ATP12A: variants seen among roughly 807,000 people sequenced by gnomAD.
ATP12A encodes the protein ATPase H+/K+ transporting non-gastric alpha2 subunit, also known as potassium-transporting ATPase alpha chain 2.
A neutral mutation model predicts 111.2 loss-of-function variants in ATP12A; 81 were observed. The ratio of observed to expected loss-of-function variants is 0.73; its 90% CI spans 0.61 to 0.88. The LOEUF (loss-of-function observed/expected upper bound fraction) is 0.88, where lower values mean the gene tolerates loss of function less well. ATP12A is among the 40% of genes least tolerant of loss of function. ATP12A has a pLI of 0.00. For synonymous variants in ATP12A, 498 were observed against 499.8 expected, an observed-to-expected ratio of 1.00 and a Z score of 0.05; for missense variants, 1,196 against 1,313.1, an observed-to-expected ratio of 0.91 and a Z score of 1.38.
intron 17 of ATP12A, 54 bp from the exon 18 acceptor site, chr13:24,709,306 TACTG>T: frequency 4.2e-6 from 1 of 236,028 alleles, no homozygotes; most frequent in Admixed American, 7.0e-5. Context: ...CCCCCTCCCC[TACTG>T]TGGGTAGAGC....
chr13:24,683,334 A>G (rs1156456481), intron 2 of ATP12A, among the ~76,000 whole-genome samples: 4 of 152,186 alleles, frequency 2.6e-5, no homozygotes, highest in African/African-American at 9.7e-5. Flanking sequence ...ACCGAAGGGG[A>G]AACTTCTACA....
Position 24,699,232 on chromosome 13 carries a change from G to A in ATP12A, c.1705+382G>A, listed in dbSNP as rs190470302. Among the ~76,000 whole-genome samples the A allele has an allele frequency of 3.2e-4, 49 of 152,252 alleles. 1 individual carries two copies. The East Asian group carries it at 8.9e-3, about 28-fold the overall frequency. On this transcript the variant is annotated intron_variant, in intron 12 of 22. Transcript: ENST00000381946. The stretch of plus-strand genomic sequence containing the variant: ...TGAGATGGCACTGTCACAGAAACAG[G>A]GTTCAAGGGCTGGACTGGAGGTCAT...
intron 13 of ATP12A, among the ~76,000 whole-genome samples, 199 bp from the exon 14 acceptor site, chr13:24,701,736 A>G (rs1438575914): frequency 6.6e-6 from 1 of 152,186 alleles, no homozygotes; most frequent in Non-Finnish European, 1.5e-5. Context: ...GAGGAAGCGT[A>G]TGAAGCTTAG....
At chr13:24,698,296 T>A (rs1875251834) in intron 11 of ATP12A, among the ~76,000 whole-genome samples, 1 of 152,114 alleles carries the variant, frequency 6.6e-6, no homozygotes, top group African/African-American at 2.4e-5. Flanking sequence ...GAAAGACGGC[T>A]GCTCCCCACA....
In ATP12A at chr13:24,700,912, C is replaced by T; in HGVS notation, c.1871C>T (p.Ala624Val). ...VPDAVTKCRSAGIKVIMVTGD... is the reference protein window; with the variant it reads ...VPDAVTKCRSVGIKVIMVTGD... ...GATGCAGTCACCAAATGCCGGAGTG[C>T]AGGGATCAAGGTGGGAGTTATTTTC... Residue 624 changes from alanine to valine, a missense_variant, in exon 13 of 23, where the codon GCA becomes GTA. By Grantham distance (64) the Ala-to-Val change is moderately conservative. Around this residue, in one of 3 missense-constraint regions of ATP12A, gnomAD observed 1,126 missense variants for 1,228.5 expected, o/e 0.92. Coordinates refer to ENST00000381946, the MANE Select transcript of ATP12A (RefSeq NM_001676.7). 1 of 1,614,012 alleles carries T rather than the reference C, an allele frequency of 6.2e-7. No individual in the cohort carries two copies. The highest frequency in any genetic ancestry group is 8.5e-7 in the Non-Finnish European group (1 of 1,179,944).
rs1363041277 is a variant in ATP12A, at chr13:24,681,627, G to T, written c.75G>T (p.Gly25=). ...GTKDIVKTDK[G]DGKEKYRGLK... ...AGGACATCGTGAAAACAGACAAGGGGGATGGCAAGGAGAAGTATAGGGGTC... is the reference window on the plus strand; with the variant it reads ...AGGACATCGTGAAAACAGACAAGGGTGATGGCAAGGAGAAGTATAGGGGTC... The change falls in exon 2 of 23, where the codon GGG becomes GGT. Residue 25 remains glycine (G), a synonymous_variant. Coordinates refer to ENST00000381946, the MANE Select transcript of ATP12A (RefSeq NM_001676.7). The T allele has an allele frequency of 6.2e-7, 1 of 1,614,208 alleles. No individual in the cohort carries two copies.
chr13:24,701,606 CATT>C (rs1463853334), intron 13 of ATP12A, among the ~76,000 whole-genome samples: 1 of 152,080 alleles, frequency 6.6e-6, no homozygotes, highest in African/African-American at 2.4e-5. Flanking sequence ...CCATGTTCAT[CATT>C]ACTAGGTTAA....
chr13:24,687,251 A>C (rs1263574023), intron 3 of ATP12A, among the ~76,000 whole-genome samples: 1 of 152,196 alleles, frequency 6.6e-6, no homozygotes, highest in Non-Finnish European at 1.5e-5. Flanking sequence ...ACTTGAGGTC[A>C]GGAGTTCGAA....
intron 4 of ATP12A, 33 bp from the exon 5 acceptor site, chr13:24,689,229 G>A (rs561695852): frequency 6.3e-7 from 1 of 1,592,674 alleles, no homozygotes; most frequent in South Asian, 1.1e-5. Context: ...CCCACTGCTG[G>A]TTTCTCTGAC....
intron 14 of ATP12A, among the ~76,000 whole-genome samples, chr13:24,705,277 A>T (rs910203794): frequency 6.6e-6 from 1 of 152,184 alleles, no homozygotes. Context: ...GGTACAGGGG[A>T]TGGAGGATGT....
chr13:24,685,885 G>A lies in ATP12A; in HGVS notation c.228+512G>A, dbSNP rs896500699. Among the ~76,000 whole-genome samples the A allele has an allele frequency of 6.6e-6, 1 of 152,186 alleles. No homozygotes were observed. Among genetic ancestry groups the A allele is most frequent in the Non-Finnish European group, 1.5e-5 (1 of 68,038 alleles). On this transcript the variant is annotated intron_variant, in intron 3 of 22. Transcript: ENST00000381946. The surrounding 1 kb of genome is among the most constrained non-coding windows in gnomAD (Gnocchi z 5.5). ...CTGGGCTTGCCGGAAGCTAGTATGT[G>A]TGGAGAGGGGACAGGTGCAGCAGGA...
At position 24,680,492 on chromosome 13, in the gene ATP12A, C is replaced by A; in HGVS notation, c.-252C>A. The A allele has an allele frequency of 2.2e-6, 1 of 456,994 alleles. No homozygotes were observed. Among genetic ancestry groups the A allele is most frequent in the South Asian group, 3.8e-5 (1 of 26,302 alleles). 28.3% of individuals were successfully genotyped at this position (456,994 alleles called of 1,614,324 possible). ...CGGGTTTCCTACCCTCCGAGGCGTCCGCTGGCCTGCGCCCTGGCGGGGACG... is the reference window on the plus strand; with the variant it reads ...CGGGTTTCCTACCCTCCGAGGCGTCAGCTGGCCTGCGCCCTGGCGGGGACG... On this transcript the variant is annotated 5_prime_UTR_variant, in exon 1 of 23. Transcript: ENST00000381946.
In ATP12A at chr13:24,701,784, A is replaced by C. The variant is rs1186293454; in HGVS notation, c.1882-151A>C. 4 of 1,012,098 alleles carry C rather than the reference A, an allele frequency of 4.0e-6. No individual in the cohort carries two copies. The East Asian group carries it at 9.6e-5, about 24-fold the overall frequency. 62.7% of individuals were successfully genotyped at this position (1,012,098 alleles called of 1,614,324 possible). ...ACCCAATGGGATTAGTGTTTCCTCCAAAGACAGTTGTCTCGTAGATCCAGA... is the reference window on the plus strand; with the variant it reads ...ACCCAATGGGATTAGTGTTTCCTCCCAAGACAGTTGTCTCGTAGATCCAGA... On this transcript the variant is annotated intron_variant, in intron 13 of 22. Coordinates refer to ENST00000381946, the MANE Select transcript of ATP12A (RefSeq NM_001676.7).
chr13:24,692,353 C>T, intron 8 of ATP12A, 76 bp from the exon 9 acceptor site: 1 of 1,448,414 alleles, frequency 6.9e-7, no homozygotes, highest in South Asian at 1.2e-5. Flanking sequence ...TCACAGCTCA[C>T]ATTGGCTATT....
At chr13:24,701,061 G>A in intron 13 of ATP12A, 139 bp downstream of exon 13, 1 of 1,039,074 alleles carries the variant, frequency 9.6e-7, no homozygotes, top group South Asian at 1.8e-5. Context: ...TAGTTTCACT[G>A]TGCTAAGGTT....
intron 15 of ATP12A, 93 bp from the exon 16 acceptor site, chr13:24,706,930 C>A (rs968744471): frequency 2.2e-6 from 3 of 1,389,266 alleles, no homozygotes; most frequent in Non-Finnish European, 2.0e-6. Context: ...ATCCTCGCAA[C>A]CTCAAGAGAA....
At chr13:24,708,892 GAAAGAAAGGAAAGAAAGAAAGAAA>G (rs1566078198) in intron 17 of ATP12A, among the ~76,000 whole-genome samples, 5 of 125,568 alleles carry the variant, frequency 4.0e-5, no homozygotes, top group African/African-American at 1.2e-4. Context: ...GAAAGAGAAA[GAAAGAAAGGAAAGAAAGAAAGAAA>G]GAAAGAAAGA....
chr13:24,705,409 G>A (rs771626187), intron 14 of ATP12A, among the ~76,000 whole-genome samples: 49 of 152,210 alleles, frequency 3.2e-4, no homozygotes, highest in Non-Finnish European at 5.7e-4. Flanking sequence ...TCCAAGCACG[G>A]TGGAAAGCCC....
In ATP12A at chr13:24,706,309, C is replaced by T; in HGVS notation, c.2019-4C>T. 1 of 1,613,556 alleles carries T rather than the reference C, an allele frequency of 6.2e-7. No homozygotes were observed. Among genetic ancestry groups the T allele is most frequent in the South Asian group, 1.1e-5 (1 of 90,952 alleles). On this transcript the variant is annotated splice_polypyrimidine_tract_variant and splice_region_variant and intron_variant, in intron 14 of 22. Transcript: ENST00000381946. ...CCTCACCCAGTTTCTTCTGGCCCTT[C>T]TAGGGATGCCAAGGCCGCTGTGGTG...
Sources: gnomAD v4.1 joint callset for allele counts (sites outside exome capture counted in the v4.1 genomes callset) on GRCh38, gnomAD v4.1.1 for gene constraint, gnomAD v4.1.1 regional missense constraint, Gnocchi (gnomAD v3.1) non-coding constraint, MANE v1.5 for transcripts, NCBI Gene and HGNC (gene_info 2026-07-23, HGNC 2026-07-21) for gene names.